The following REPS2 variants were observed in gnomAD, a reference collection of about 807,000 sequenced individuals.
The protein encoded by REPS2 is RALBP1 associated Eps domain containing 2, also known as ralBP1-associated Eps domain-containing protein 2.
In REPS2, 23 loss-of-function variants were observed where a neutral mutation model predicts 53.6. That is an observed-to-expected ratio of 0.43 (90% CI 0.31 to 0.61). The LOEUF (loss-of-function observed/expected upper bound fraction) is 0.61, where lower values mean the gene tolerates loss of function less well. Among genes scored for constraint, REPS2 ranks in the 20% least tolerant of loss-of-function variants. The pLI, the probability that REPS2 is intolerant of heterozygous loss-of-function variation, is 0.11. For synonymous variants in REPS2, 238 were observed against 218.6 expected (o/e 1.09, Z -0.78); for missense variants, 446 against 534.9 (o/e 0.83, Z 1.64).
intron 1 of REPS2, among the ~76,000 whole-genome samples, chrX:16,993,955 G>T (rs1056767359): frequency 1.8e-5 from 2 of 112,828 alleles, no homozygotes; most frequent in African/African-American, 6.4e-5. Flanking sequence ...CAGGGACAAG[G>T]CTTGAAAACT....
At chrX:17,044,652 C>T (rs373434538) in intron 5 of REPS2, 3 of 111,872 alleles carry the variant, frequency 2.7e-5, no homozygotes, top group South Asian at 3.7e-4. Context: ...CCTGCCCATG[C>T]CTGGCTTTTA....
intron 1 of REPS2, among the ~76,000 whole-genome samples, chrX:16,975,741 T>C (rs1382545975): frequency 8.9e-6 from 1 of 112,038 alleles, no homozygotes; most frequent in Admixed American, 9.5e-5. Context: ...AGTGTTTAGA[T>C]TGAAAAATTA....
At chrX:17,174,415 A>C in the REPS2 span, among the ~76,000 whole-genome samples, 3 of 111,777 alleles carry the variant, frequency 2.7e-5, no homozygotes, top group African/African-American at 9.8e-5. Context: ...TGACCCCAGA[A>C]ATTCTGATGT....
intron 1 of REPS2, among the ~76,000 whole-genome samples, chrX:16,989,598 C>T (rs749998537): frequency 8.9e-6 from 1 of 112,069 alleles, no homozygotes; most frequent in South Asian, 3.7e-4. Flanking sequence ...CAGTAGAAAA[C>T]AACCCAGTTA....
the REPS2 span, among the ~76,000 whole-genome samples, chrX:17,164,655 G>T: frequency 9.0e-6 from 1 of 111,677 alleles, no homozygotes; most frequent in African/African-American, 3.3e-5. Flanking sequence ...CTAAAGCAGG[G>T]CTTACAGAGA....
intron 13 of REPS2, 100 bp downstream of exon 13, chrX:17,077,507 C>T (rs1158067400): frequency 8.8e-6 from 8 of 907,167 alleles, no homozygotes; most frequent in African/African-American, 6.1e-5. Flanking sequence ...AAAGAGCAGA[C>T]CTGGCAGTTT....
In REPS2 at chrX:17,134,134, C is replaced by T. The variant is rs147382378; in HGVS notation, c.1662+227C>T. Among the ~76,000 whole-genome samples the T allele has an allele frequency of 2.1e-3, 239 of 111,496 alleles. 1 individual carries two copies. Among genetic ancestry groups the T allele is most frequent in the African/African-American group, 7.0e-3 (214 of 30,672 alleles). Reference sequence around the variant, plus strand: ...GACAGTACATACTCAACCTCCTTAGCCCCCCAGCTAAACATGGTGGCCTTG... The same window carrying T: ...GACAGTACATACTCAACCTCCTTAGTCCCCCAGCTAAACATGGTGGCCTTG... On this transcript the variant is annotated intron_variant, in intron 15 of 17. Transcript: ENST00000357277.
intron 1 of REPS2, among the ~76,000 whole-genome samples, chrX:16,996,777 G>A (rs186766772): frequency 4.5e-5 from 5 of 112,092 alleles, no homozygotes; most frequent in African/African-American, 1.3e-4. Context: ...GAGGATCTAT[G>A]TGTAATATAC....
intron 1 of REPS2, among the ~76,000 whole-genome samples, chrX:16,977,326 C>T (rs2060967380): frequency 9.0e-6 from 1 of 110,957 alleles, no homozygotes; most frequent in Admixed American, 9.6e-5. Context: ...TTCTGAGGTC[C>T]TGAGCCAGCT....
chrX:17,169,731 C>A, the REPS2 span, among the ~76,000 whole-genome samples: 12 of 112,250 alleles, frequency 1.1e-4, no homozygotes, highest in South Asian at 3.7e-4. Flanking sequence ...GGCTGACAAT[C>A]AAAGATTTGG....
chrX:17,139,318 T>G (rs994928707), intron 17 of REPS2, among the ~76,000 whole-genome samples: 1 of 112,080 alleles, frequency 8.9e-6, no homozygotes, highest in Non-Finnish European at 1.9e-5. Flanking sequence ...CGAAGGCTGT[T>G]TGAAGCATTC....
rs1218787653 is a variant in REPS2 at position 17,118,658 on chromosome X, CA to C, written c.1578+14884del. Among the ~76,000 whole-genome samples, 3 of 111,968 alleles carry C rather than the reference CA, an allele frequency of 2.7e-5. No individual in the cohort carries two copies. The East Asian group carries it at 8.4e-4, about 31-fold the overall frequency. On this transcript the variant is annotated intron_variant, in intron 14 of 17. Transcript: ENST00000357277. ...GAGAAAAATCATTCATTATACATCA[CA>C]AAAATTAACTGTAGATCTGCTAAGT...
At chrX:17,173,730 T>G in the REPS2 span, among the ~76,000 whole-genome samples, 10 of 112,241 alleles carry the variant, frequency 8.9e-5, no homozygotes, top group Non-Finnish European at 1.9e-4. Flanking sequence ...AGTGTTCCAA[T>G]ATATTTTTGT....
intron 11 of REPS2, among the ~76,000 whole-genome samples, chrX:17,071,062 G>A (rs769974152): frequency 8.9e-6 from 1 of 112,192 alleles, no homozygotes; most frequent in Non-Finnish European, 1.9e-5. Flanking sequence ...GCTCTGGAAG[G>A]TGATGCTACA....
Position 16,969,184 on chromosome X carries a change from C to T in REPS2, c.273+22050C>T, listed in dbSNP as rs780932826. On this transcript the variant is annotated intron_variant, in intron 1 of 17. Transcript: ENST00000357277. ...AGATGGGATGGCGGCCGGGAAGAGGCGCTCCTCACTTCCTAGATGGGATGG... is the reference window on the plus strand; with the variant it reads ...AGATGGGATGGCGGCCGGGAAGAGGTGCTCCTCACTTCCTAGATGGGATGG... Among the ~76,000 whole-genome samples, 283 of 109,102 alleles carry T rather than the reference C, an allele frequency of 2.6e-3. 1 individual carries two copies. Among genetic ancestry groups the T allele is most frequent in the Non-Finnish European group, 3.5e-3 (184 of 52,085 alleles). 94.7% of individuals were successfully genotyped at this position (109,102 alleles called of 115,157 possible).
At chrX:17,100,310 T>G in intron 13 of REPS2, 2 of 540,484 alleles carry the variant, frequency 3.7e-6, no homozygotes, top group Non-Finnish European at 6.7e-6. Flanking sequence ...GTTTTGTTTT[T>G]TCTCCATAGC....
intron 17 of REPS2, among the ~76,000 whole-genome samples, chrX:17,147,067 T>G (rs888979710): frequency 1.6e-4 from 18 of 111,833 alleles, no homozygotes; most frequent in Non-Finnish European, 5.6e-5. Context: ...TGGGAGTCTG[T>G]TTTTGCTTTC....
intron 1 of REPS2, chrX:16,978,643 G>A: frequency 1.6e-6 from 1 of 609,727 alleles, no homozygotes; most frequent in Non-Finnish European, 2.0e-6. Flanking sequence ...GAAGTTCTTG[G>A]TAGAAGAGGG....
chrX:17,157,147 A>C (rs933553647), downstream of REPS2, among the ~76,000 whole-genome samples: 5 of 111,585 alleles, frequency 4.5e-5, no homozygotes, highest in South Asian at 3.8e-4. Flanking sequence ...GCTCCAGGGG[A>C]CATTGTTCAT....
Sources: gnomAD v4.1 joint callset for allele counts (sites outside exome capture counted in the v4.1 genomes callset) on GRCh38, gnomAD v4.1.1 for gene constraint, MANE v1.5 for transcripts, NCBI Gene and HGNC (gene_info 2026-07-23, HGNC 2026-07-21) for gene names.